The following PITPNM2 variants were observed in gnomAD, a reference collection of about 807,000 sequenced individuals.
PITPNM2 encodes membrane-associated phosphatidylinositol transfer protein 2.
A neutral mutation model predicts 132.2 loss-of-function variants in PITPNM2; 35 were observed. The ratio of observed to expected loss-of-function variants is 0.26; its 90% confidence interval spans 0.20 to 0.35. The LOEUF (loss-of-function observed/expected upper bound fraction) is 0.35. PITPNM2 is among the 10% of genes least tolerant of loss of function. The pLI is 1.00. For missense variants in PITPNM2, 1,332 were observed against 1,912.0 expected (o/e 0.70, Z 5.66); for synonymous variants, 738 against 799.2 (o/e 0.92, Z 1.29).
chr12:123,128,980 CAA>C (rs2043206093), intron 1 of PITPNM2, among the ~76,000 whole-genome samples: 1 of 151,942 alleles, frequency 6.6e-6, no homozygotes, highest in South Asian at 2.1e-4. Context: ...ACTAAAAATA[CAA>C]AAATTAGCCA....
rs1016755051 is a variant in PITPNM2 at position 123,004,649 on chromosome 12, A to AT, written c.953-161dup. 5.9e-6 allele frequency: 4 copies of AT among 675,780 alleles called. No homozygotes were observed. The highest frequency in any genetic ancestry group is 1.1e-5 in the Non-Finnish European group (4 of 377,704). 41.9% of individuals were successfully genotyped at this position (675,780 alleles called of 1,614,324 possible). On this transcript the variant is annotated intron_variant, in intron 7 of 25. Transcript: ENST00000320201. This position sits in a 1 kb window ranked among gnomAD's most constrained non-coding sequence, Gnocchi z 4.9. ...GTTCCGAAGAGAATGAAGTGTGTAA[A>AT]TGAGTGGGGAGCGGCCTAGGCTCAT...
intron 13 of PITPNM2, among the ~76,000 whole-genome samples, chr12:122,995,944 C>G (rs1456165010): frequency 1.3e-5 from 2 of 152,206 alleles, no homozygotes; most frequent in East Asian, 3.9e-4. Flanking sequence ...CCACTGCCCG[C>G]AGTGCAGACC....
At chr12:123,133,957 A>T (rs1243282550) in intron 1 of PITPNM2, among the ~76,000 whole-genome samples, 1 of 151,922 alleles carries the variant, frequency 6.6e-6, no homozygotes, top group African/African-American at 2.4e-5. Flanking sequence ...CTGAGATTAC[A>T]GGCGTGAGCC....
rs2038893152 is a variant in PITPNM2, at chr12:123,005,574, G to C, written c.644-26C>G. ...CTGTGCCCCATGGGGATCAGAGAGG[G>C]AGAGACGAGGGGAGGGAGGTCAGCG... On this transcript the variant is annotated intron_variant, in intron 6 of 25. Transcript: ENST00000320201. This position sits in a 1 kb window ranked among gnomAD's most constrained non-coding sequence, Gnocchi z 6.2. The C allele has an allele frequency of 6.2e-7, 1 of 1,600,490 alleles. No individual in the cohort carries two copies. The highest frequency in any genetic ancestry group is 1.3e-5 in the African/African-American group (1 of 74,866).
chr12:122,992,473 G>A lies in PITPNM2; in HGVS notation c.2404+26C>T. 1 of 1,597,264 alleles carries A rather than the reference G, an allele frequency of 6.3e-7. No individual in the cohort carries two copies. The highest frequency in any genetic ancestry group is 1.3e-5 in the African/African-American group (1 of 74,124). ...CACGCTTACCCCACCTTCCCCCAGA[G>A]GAGTGGGGCGGAATGTGCCTCTCAC... On this transcript the variant is annotated intron_variant, in intron 16 of 25. Transcript: ENST00000320201. This position sits in a 1 kb window ranked among gnomAD's most constrained non-coding sequence, Gnocchi z 6.5.
At chr12:122,988,630 G>A in intron 19 of PITPNM2, 94 bp downstream of exon 19, 1 of 1,317,592 alleles carries the variant, frequency 7.6e-7, no homozygotes, top group Non-Finnish European at 1.0e-6. Context: ...TGGGGTTGGA[G>A]AGGAGTCCCC....
rs2038319484 is a variant in PITPNM2, at chr12:122,994,187, A to C, written c.2233+614T>G. 6.6e-6 allele frequency among the ~76,000 whole-genome samples: 1 copy of C among 152,142 alleles called. No homozygotes were observed. The highest frequency in any genetic ancestry group is 1.5e-5 in the Non-Finnish European group (1 of 68,012). On this transcript the variant is annotated intron_variant, in intron 15 of 25. Transcript: ENST00000320201. The surrounding 1 kb of genome is among the most constrained non-coding windows in gnomAD (Gnocchi z 5.4). ...CGCGCCCGGCCAGCTCTGCATTTTT[A>C]ACCTGCACTTGGCAAGCATCTAAAC...
In PITPNM2 at chr12:123,083,172, A is replaced by G. The variant is rs1003412754; in HGVS notation, c.-96+27213T>C. On this transcript the variant is annotated intron_variant, in intron 2 of 25. Transcript: ENST00000320201. This position sits in a 1 kb window ranked among gnomAD's most constrained non-coding sequence, Gnocchi z 4.5. ...TTTGAGCCCAGCCCCCTTGGGCAACATAGTGAGACCCCATCTCTAAAAAAA... is the reference window on the plus strand; with the variant it reads ...TTTGAGCCCAGCCCCCTTGGGCAACGTAGTGAGACCCCATCTCTAAAAAAA... The G allele has an allele frequency of 1.3e-5, 2 of 152,208 alleles. No individual in the cohort carries two copies. The highest frequency in any genetic ancestry group is 6.5e-5 in the Admixed American group (1 of 15,272). 9.4% of individuals were successfully genotyped at this position (152,208 alleles called of 1,614,324 possible). A position where few individuals can be genotyped will look rare whatever the true frequency, so the allele number is the denominator to read the frequency against.
At position 123,099,496 on chromosome 12, in the gene PITPNM2, C is replaced by T. The variant is rs1256184118; in HGVS notation, c.-96+10889G>A. On this transcript the variant is annotated intron_variant, in intron 2 of 25. Transcript: ENST00000320201. This position sits in a 1 kb window ranked among gnomAD's most constrained non-coding sequence, Gnocchi z 4.2. ...GAAGCCCTGGGGGCTCTGGGCCCTACCTGCAGCACTGGCAGACTTCCCACA... is the reference window on the plus strand; with the variant it reads ...GAAGCCCTGGGGGCTCTGGGCCCTATCTGCAGCACTGGCAGACTTCCCACA... Among the ~76,000 whole-genome samples the T allele has an allele frequency of 1.3e-5, 2 of 152,214 alleles. No individual in the cohort carries two copies. Among genetic ancestry groups the T allele is most frequent in the African/African-American group, 2.4e-5 (1 of 41,462 alleles).
At chr12:123,113,754 C>T (rs1384345445) in intron 1 of PITPNM2, among the ~76,000 whole-genome samples, 1 of 151,748 alleles carries the variant, frequency 6.6e-6, no homozygotes, top group African/African-American at 2.4e-5. Context: ...GGTTATTAGT[C>T]TACTTACAAT....
intron 2 of PITPNM2, among the ~76,000 whole-genome samples, chr12:123,085,506 G>C (rs1463024398): frequency 6.6e-6 from 1 of 152,158 alleles, no homozygotes; most frequent in South Asian, 2.1e-4. Flanking sequence ...GCTACTGGGG[G>C]TGAGGAAAAG....
intron 23 of PITPNM2, 140 bp downstream of exon 23, chr12:122,987,141 T>G (rs1259681517): frequency 2.1e-5 from 26 of 1,241,162 alleles, no homozygotes; most frequent in Non-Finnish European, 1.5e-5. Flanking sequence ...TGCTGGGCTC[T>G]GAACTGAGGT....
intron 2 of PITPNM2, among the ~76,000 whole-genome samples, chr12:123,070,852 C>T (rs1254659584): frequency 2.0e-5 from 3 of 152,254 alleles, no homozygotes; most frequent in African/African-American, 4.8e-5. Context: ...ATCTGCCCAA[C>T]TCAGAGAATG....
intron 2 of PITPNM2, among the ~76,000 whole-genome samples, chr12:123,094,462 C>T (rs991667526): frequency 3.9e-5 from 6 of 152,230 alleles, no homozygotes; most frequent in Non-Finnish European, 8.8e-5. Context: ...GCTTGTCCTC[C>T]GGCGCATCAG....
intron 1 of PITPNM2, among the ~76,000 whole-genome samples, chr12:123,145,502 A>T (rs926731291): frequency 1.3e-5 from 2 of 151,888 alleles, no homozygotes; most frequent in Admixed American, 6.6e-5. Context: ...TCTTAATAAG[A>T]CCCCTTTCCA....
At chr12:123,028,839 G>T (rs2039963605) in intron 3 of PITPNM2, among the ~76,000 whole-genome samples, 1 of 152,210 alleles carries the variant, frequency 6.6e-6, no homozygotes, top group Non-Finnish European at 1.5e-5. Flanking sequence ...CAGAGGGTCA[G>T]AGGAAGCTGC....
Position 123,022,659 on chromosome 12 carries a change from A to AG in PITPNM2, c.79-8618dup, listed in dbSNP as rs2039713529. Among the ~76,000 whole-genome samples the AG allele has an allele frequency of 6.6e-6, 1 of 152,188 alleles. No individual in the cohort carries two copies. The highest frequency in any genetic ancestry group is 2.4e-5 in the African/African-American group (1 of 41,438). ...AAGAAACTGAGGCACAGAGTACTGGAGCCAAGTCTCCCAGGCCATGAGTGA... is the reference window on the plus strand; with the variant it reads ...AAGAAACTGAGGCACAGAGTACTGGAGGCCAAGTCTCCCAGGCCATGAGTGA... On this transcript the variant is annotated intron_variant, in intron 3 of 25. Coordinates refer to ENST00000320201, the MANE Select transcript of PITPNM2 (RefSeq NM_020845.3). This position sits in a 1 kb window ranked among gnomAD's most constrained non-coding sequence, Gnocchi z 4.9.
At chr12:122,996,629 T>C (rs2038440353) in intron 12 of PITPNM2, 52 bp from the exon 13 acceptor site, 3 of 1,611,708 alleles carry the variant, frequency 1.9e-6, no homozygotes, top group Non-Finnish European at 2.5e-6. Context: ...CGCTGGACTA[T>C]AGGCTGGGGA....
Position 122,986,402 on chromosome 12 carries a change from C to T in PITPNM2, c.3726+34G>A, listed in dbSNP as rs570815644. The T allele has an allele frequency of 2.0e-5, 32 of 1,563,572 alleles. No homozygotes were observed. In the Admixed American group the frequency reaches 2.1e-4, roughly 10 times the overall value. On this transcript the variant is annotated intron_variant, in intron 25 of 25. Transcript: ENST00000320201. Reference sequence around the variant, plus strand: ...ACAGGCTGGGGCTCCCCGAGCTGCCCGCCTGCACCCGCCCCCACAATGCGC... The same window carrying T: ...ACAGGCTGGGGCTCCCCGAGCTGCCTGCCTGCACCCGCCCCCACAATGCGC...
Sources: gnomAD v4.1 joint callset for allele counts (sites outside exome capture counted in the v4.1 genomes callset) on GRCh38, gnomAD v4.1.1 for gene constraint, Gnocchi (gnomAD v3.1) non-coding constraint, MANE v1.5 for transcripts, NCBI Gene and HGNC (gene_info 2026-07-23, HGNC 2026-07-21) for gene names.